PTPRD: variants seen among roughly 807,000 people sequenced by gnomAD.
The protein encoded by PTPRD is protein tyrosine phosphatase receptor type D.
A neutral mutation model predicts 214.5 loss-of-function variants in PTPRD; 34 were observed. The observed-to-expected ratio is 0.16, with a 90% CI of 0.12 to 0.21. PTPRD has a LOEUF of 0.21. PTPRD is among the 10% of genes least tolerant of loss of function. PTPRD has a pLI of 1.00. For synonymous variants in PTPRD, 1,128 were observed against 845.7 expected, an observed-to-expected ratio of 1.33 and a Z score of -5.79; for missense variants, 2,545 against 2,398.7, an observed-to-expected ratio of 1.06 and a Z score of -1.27.
intron 10 of PTPRD, among the ~76,000 whole-genome samples, chr9:9,051,465 T>G (rs1197537490): frequency 6.6e-6 from 1 of 152,184 alleles, no homozygotes; most frequent in Non-Finnish European, 1.5e-5. Context: ...TAGTTAAATG[T>G]GAAATCCAAC....
chr9:10,034,468 G>C (rs1199673289), intron 3 of PTPRD, among the ~76,000 whole-genome samples: 1 of 97,406 alleles, frequency 1.0e-5, no homozygotes, highest in Non-Finnish European at 2.1e-5. Context: ...GTGCAGTTTT[G>C]TTACATAGGG....
chr9:8,783,633 C>T (rs558645254), intron 11 of PTPRD, among the ~76,000 whole-genome samples: 4 of 152,316 alleles, frequency 2.6e-5, no homozygotes, highest in East Asian at 3.9e-4. Flanking sequence ...CTACCTCATA[C>T]CTCAAGGTGA....
chr9:10,189,580 G>A (rs528061841), intron 3 of PTPRD, among the ~76,000 whole-genome samples: 101 of 152,236 alleles, frequency 6.6e-4, no homozygotes, highest in Middle Eastern at 3.4e-3. Flanking sequence ...GTGTGCATGC[G>A]AGGAATTTGT....
At chr9:8,932,230 A>T (rs111694463) in intron 11 of PTPRD, among the ~76,000 whole-genome samples, 2 of 151,858 alleles carry the variant, frequency 1.3e-5, no homozygotes, top group African/African-American at 2.4e-5. Context: ...TTGCCTCTCT[A>T]GTTCTTTTAA....
chr9:8,403,820 G>A (rs2092696670), intron 36 of PTPRD, among the ~76,000 whole-genome samples: 1 of 152,074 alleles, frequency 6.6e-6, no homozygotes, highest in Admixed American at 6.5e-5. Flanking sequence ...AGTCCCCAGT[G>A]GATATCCAGA....
intron 2 of PTPRD, among the ~76,000 whole-genome samples, chr9:10,449,669 G>C (rs1028254207): frequency 6.6e-6 from 1 of 151,312 alleles, no homozygotes; most frequent in African/African-American, 2.4e-5. Flanking sequence ...GATGTGAGGA[G>C]CGCCTCTGCC....
At chr9:9,914,474 T>C (rs1276965601) in intron 5 of PTPRD, among the ~76,000 whole-genome samples, 1 of 152,200 alleles carries the variant, frequency 6.6e-6, no homozygotes, top group Non-Finnish European at 1.5e-5. Context: ...TGCCTGCACT[T>C]AGCAGACACA....
intron 11 of PTPRD, among the ~76,000 whole-genome samples, chr9:8,787,506 G>A (rs1019294019): frequency 5.9e-5 from 9 of 152,004 alleles, no homozygotes; most frequent in Admixed American, 3.9e-4. Flanking sequence ...TAATGTCTAG[G>A]ACAGGGGTGT....
chr9:10,423,551 G>C (rs1026627534), intron 2 of PTPRD, among the ~76,000 whole-genome samples: 33 of 151,826 alleles, frequency 2.2e-4, no homozygotes, highest in African/African-American at 7.2e-4. Flanking sequence ...TCCCTCTTTT[G>C]TTTCATTTTA....
intron 2 of PTPRD, among the ~76,000 whole-genome samples, chr9:10,477,922 C>A (rs1988304): frequency 3.3e-5 from 5 of 151,444 alleles, no homozygotes; most frequent in South Asian, 4.2e-4. Context: ...TAAGTGGGAG[C>A]TGAACAATGA....
intron 11 of PTPRD, among the ~76,000 whole-genome samples, chr9:8,777,410 AG>A (rs1253172876): frequency 2.6e-5 from 4 of 152,248 alleles, no homozygotes; most frequent in Non-Finnish European, 4.4e-5. Flanking sequence ...AACTAGCAGT[AG>A]TTAACAGCAA....
chr9:9,591,452 A>C (rs1485116185), intron 7 of PTPRD, among the ~76,000 whole-genome samples: 5 of 151,934 alleles, frequency 3.3e-5, no homozygotes, highest in Non-Finnish European at 5.9e-5. Context: ...CAACATCTTG[A>C]TGTTGGCCTT....
At chr9:8,747,812 T>C (rs965751961) in intron 11 of PTPRD, among the ~76,000 whole-genome samples, 2 of 152,206 alleles carry the variant, frequency 1.3e-5, no homozygotes, top group South Asian at 2.1e-4. Context: ...TATTATTTAC[T>C]AGACCAGGCC....
chr9:8,755,304 C>T (rs1187998913), intron 11 of PTPRD, among the ~76,000 whole-genome samples: 3 of 150,916 alleles, frequency 2.0e-5, no homozygotes, highest in East Asian at 2.0e-4. Flanking sequence ...CCGAGGTGGA[C>T]GGATCACATG....
chr9:8,592,899 A>G (rs147081856), intron 14 of PTPRD, among the ~76,000 whole-genome samples: 1 of 152,374 alleles, frequency 6.6e-6, no homozygotes, highest in East Asian at 1.9e-4. Context: ...CGTGAAGGAT[A>G]GGTAGAGGTT....
intron 2 of PTPRD, among the ~76,000 whole-genome samples, chr9:10,474,013 A>G (rs1335774482): frequency 1.3e-5 from 2 of 152,108 alleles, no homozygotes; most frequent in African/African-American, 4.8e-5. Flanking sequence ...AAAAACCAGT[A>G]CCAGTCACTG....
At chr9:8,452,175 C>G (rs952497484) in intron 33 of PTPRD, among the ~76,000 whole-genome samples, 8 of 152,104 alleles carry the variant, frequency 5.3e-5, no homozygotes, top group Non-Finnish European at 8.8e-5. Flanking sequence ...AAATTATTTC[C>G]AAGACCTCAG....
At chr9:9,023,467 G>A (rs1359563850) in intron 10 of PTPRD, among the ~76,000 whole-genome samples, 1 of 151,962 alleles carries the variant, frequency 6.6e-6, no homozygotes, top group Non-Finnish European at 1.5e-5. Flanking sequence ...TACTTGGACC[G>A]AAACACAATT....
At chr9:9,022,488 G>C (rs906570357) in intron 10 of PTPRD, among the ~76,000 whole-genome samples, 2 of 152,094 alleles carry the variant, frequency 1.3e-5, no homozygotes, top group African/African-American at 2.4e-5. Flanking sequence ...GTTGCTTACA[G>C]TATTCAGCAC....
Sources: allele counts gnomAD v4.1 joint callset (sites outside exome capture counted in the v4.1 genomes callset), GRCh38; gene constraint gnomAD v4.1.1; transcripts MANE v1.5; gene names NCBI Gene and HGNC (gene_info 2026-07-23, HGNC 2026-07-21).